The following UNC79 variants were observed in gnomAD, a reference collection of about 807,000 sequenced individuals.
The protein encoded by UNC79 is unc-79 subunit of NALCN channel complex.
Under a neutral mutation model 283.1 loss-of-function variants are expected in UNC79, and 37 were observed. The ratio of observed to expected loss-of-function variants is 0.13; its 90% confidence interval spans 0.10 to 0.17. The LOEUF (loss-of-function observed/expected upper bound fraction) is 0.17. Among genes scored for constraint, UNC79 ranks in the 10% least tolerant of loss-of-function variants. UNC79 has a pLI of 1.00. For synonymous variants in UNC79, 1,107 were observed against 1,200.2 expected (o/e 0.92, Z 1.61); for missense variants, 2,272 against 3,211.1 (o/e 0.71, Z 7.07).
chr14:93,405,479 T>C (rs1178441223), intron 1 of UNC79, among the ~76,000 whole-genome samples: 3 of 152,018 alleles, frequency 2.0e-5, no homozygotes, highest in African/African-American at 7.2e-5. Flanking sequence ...ATATAAAAAA[T>C]TTCTATCCAA....
chr14:93,411,906 A>C (rs2055344051), intron 1 of UNC79, among the ~76,000 whole-genome samples: 1 of 152,208 alleles, frequency 6.6e-6, no homozygotes, highest in African/African-American at 2.4e-5. Context: ...AAGTACCAAG[A>C]CCATCCAGAA....
chr14:93,336,080 C>G (rs371523331), intron 1 of UNC79, among the ~76,000 whole-genome samples: 1 of 152,124 alleles, frequency 6.6e-6, no homozygotes, highest in African/African-American at 2.4e-5. Flanking sequence ...TTGTACCCCC[C>G]TTTTTTACCA....
At chr14:93,571,809 T>C in intron 14 of UNC79, 85 bp from the exon 15 acceptor site, 1 of 1,435,444 alleles carries the variant, frequency 7.0e-7, no homozygotes, top group Non-Finnish European at 9.6e-7. Flanking sequence ...CCTTTCTCTG[T>C]ACCCATTGCC....
intron 1 of UNC79, among the ~76,000 whole-genome samples, chr14:93,437,716 TG>T (rs2056141441): frequency 6.6e-6 from 1 of 152,158 alleles, no homozygotes; most frequent in Non-Finnish European, 1.5e-5. Context: ...TCCTAGCTTC[TG>T]GGGGTTTCTG....
chr14:93,444,754 T>C (rs1028050061), intron 1 of UNC79, among the ~76,000 whole-genome samples: 4 of 152,186 alleles, frequency 2.6e-5, no homozygotes, highest in Non-Finnish European at 5.9e-5. Flanking sequence ...TGTTTCTTCA[T>C]CTATTCTTAT....
chr14:93,517,590 T>C (rs1438859153), intron 7 of UNC79, among the ~76,000 whole-genome samples: 1 of 152,004 alleles, frequency 6.6e-6, no homozygotes, highest in African/African-American at 2.4e-5. Context: ...GATGATTATA[T>C]GATTTCTTCC....
intron 1 of UNC79, among the ~76,000 whole-genome samples, chr14:93,401,865 T>A (rs1282580337): frequency 6.6e-6 from 1 of 151,980 alleles, no homozygotes; most frequent in Non-Finnish European, 1.5e-5. Flanking sequence ...AACCACAAAC[T>A]GTTAGAAAGG....
chr14:93,349,633 G>C (rs975767054), intron 1 of UNC79, among the ~76,000 whole-genome samples: 2 of 152,176 alleles, frequency 1.3e-5, no homozygotes, highest in African/African-American at 4.8e-5. Context: ...CGTGAGCTGT[G>C]TGGTTTGTTA....
At chr14:93,603,673 G>A (rs2065673604) in intron 26 of UNC79, among the ~76,000 whole-genome samples, 1 of 152,188 alleles carries the variant, frequency 6.6e-6, no homozygotes, top group Non-Finnish European at 1.5e-5. Flanking sequence ...CAAATGCATT[G>A]ATGCTTGGCA....
intron 14 of UNC79, among the ~76,000 whole-genome samples, chr14:93,544,984 G>A (rs1287580888): frequency 6.6e-6 from 1 of 151,994 alleles, no homozygotes; most frequent in Non-Finnish European, 1.5e-5. Context: ...CAGCTTTTAG[G>A]GCTTTGTAAC....
intron 47 of UNC79, among the ~76,000 whole-genome samples, chr14:93,698,476 GTT>G (rs71129655): frequency 1.3e-5 from 1 of 79,096 alleles, no homozygotes; most frequent in Admixed American, 2.0e-4. Context: ...TTTAGTTTAG[GTT>G]TTTTTTTTTT....
rs1343088056 is a variant in UNC79 at position 93,348,030 on chromosome 14, A to G, written c.-351+14507A>G. The stretch of plus-strand genomic sequence containing the variant: ...GCGCGTGTCATCTTCTCTTCCAGGA[A>G]ATGGCTGTTGGACTTGTGGTGTTTT... On this transcript the variant is annotated intron_variant, in intron 1 of 49. Transcript: ENST00000256339. 1.9e-6 allele frequency: 3 copies of G among 1,603,292 alleles called. No homozygotes were observed. The South Asian group carries it at 3.3e-5, about 18-fold the overall frequency.
intron 41 of UNC79, among the ~76,000 whole-genome samples, chr14:93,674,979 A>C (rs1398012994): frequency 6.6e-6 from 1 of 152,000 alleles, no homozygotes. Flanking sequence ...AGCTTTGTGC[A>C]CCTCTTTAAT....
At chr14:93,510,776 TTC>T (rs773050147) in intron 7 of UNC79, among the ~76,000 whole-genome samples, 1 of 152,174 alleles carries the variant, frequency 6.6e-6, no homozygotes, top group Non-Finnish European at 1.5e-5. Flanking sequence ...GTTCCAAACT[TTC>T]TGTCATTTTC....
intron 41 of UNC79, among the ~76,000 whole-genome samples, chr14:93,679,887 A>T (rs1437646146): frequency 6.6e-6 from 1 of 152,080 alleles, no homozygotes; most frequent in Non-Finnish European, 1.5e-5. Context: ...GTTATATATG[A>T]TTATATTTTG....
At chr14:93,550,533 A>AAAAGAAAAG (rs1555449177) in intron 14 of UNC79, among the ~76,000 whole-genome samples, 7 of 122,574 alleles carry the variant, frequency 5.7e-5, no homozygotes, top group African/African-American at 9.3e-5. Flanking sequence ...AAAAAAAAAA[A>AAAAGAAAAG]AAAAAAAAGA....
At chr14:93,478,403 A>G (rs116354473) in intron 4 of UNC79, among the ~76,000 whole-genome samples, 2,084 of 152,262 alleles carry the variant, frequency 0.014, 57 homozygotes, top group African/African-American at 0.048. Context: ...AAAATATTGC[A>G]TTGTGGTTTT....
chr14:93,525,342 G>A lies in UNC79; in HGVS notation c.963+1300G>A, dbSNP rs147780680. On this transcript the variant is annotated intron_variant, in intron 8 of 48. Transcript: ENST00000555664. ...TGTGTGCCTGTAATCCCAGCTACTC[G>A]GGAGGCTGAGGGAGGGGAATTACTT... 3.9e-5 allele frequency among the ~76,000 whole-genome samples: 6 copies of A among 152,188 alleles called. No homozygotes were observed. The South Asian group carries it at 1.2e-3, about 32-fold the overall frequency.
chr14:93,659,288 C>T lies in UNC79; in HGVS notation c.6525+27C>T, dbSNP rs1347101648. On this transcript the variant is annotated intron_variant, in intron 39 of 48. Transcript: ENST00000555664. ...TATGTATGTTTCAGAAAAACATAAC[C>T]AATTGGTTAGTCAGTTTTTTTTAAC... is the stretch of plus-strand genomic sequence containing the variant. The T allele has an allele frequency of 8.9e-6, 14 of 1,575,740 alleles. No homozygotes were observed. The East Asian group carries it at 1.1e-4, about 13-fold the overall frequency.
Sources: gnomAD v4.1 joint callset for allele counts (sites outside exome capture counted in the v4.1 genomes callset) on GRCh38, gnomAD v4.1.1 for gene constraint, MANE v1.5 for transcripts, NCBI Gene and HGNC (gene_info 2026-07-23, HGNC 2026-07-21) for gene names.